Variants in CATSPERE observed in about 807,000 individuals in gnomAD.
CATSPERE encodes cation channel sperm-associated auxiliary subunit epsilon.
Under a neutral mutation model 114.1 loss-of-function variants are expected in CATSPERE, and 93 were observed. The ratio of observed to expected loss-of-function variants is 0.81; its 90% CI spans 0.69 to 0.97. CATSPERE has a LOEUF of 0.97. CATSPERE is among the 50% of genes least tolerant of loss of function. The pLI is 0.00. For missense variants in CATSPERE, 1,058 were observed against 1,131.6 expected (o/e 0.93, Z 0.93); for synonymous variants, 341 against 384.1 (o/e 0.89, Z 1.31).
chr1:244,506,313 G>T (rs1452139883), intron 7 of CATSPERE, among the ~76,000 whole-genome samples: 1 of 152,164 alleles, frequency 6.6e-6, no homozygotes, highest in Non-Finnish European at 1.5e-5. Context: ...CACATGGGTT[G>T]CTTCCACCTT....
Position 244,617,687 on chromosome 1 carries a change from G to A in CATSPERE, c.2648+1G>A. ...TGAAGATCCTGGATCCAAACTATAG[G>A]TGAATATATGTGTTACTGTAATAGT... On this transcript the variant is annotated splice_donor_variant, in intron 20 of 21. Transcript: ENST00000366534. LOFTEE classifies it high-confidence loss of function. The A allele has an allele frequency of 6.6e-7, 1 of 1,526,534 alleles. No homozygotes were observed. The highest frequency in any genetic ancestry group is 8.8e-7 in the Non-Finnish European group (1 of 1,140,580). 94.6% of individuals were successfully genotyped at this position (1,526,534 alleles called of 1,614,324 possible). A position where few individuals can be genotyped will look rare whatever the true frequency, so the allele number is the denominator to read the frequency against.
rs139798302 is a variant in CATSPERE, at chr1:244,573,359, C to T, written c.1950+587C>T. 9.8e-3 allele frequency among the ~76,000 whole-genome samples: 1,487 copies of T among 151,512 alleles called. 29 individuals carry two copies. Among genetic ancestry groups the T allele is most frequent in the African/African-American group, 0.033 (1,361 of 41,254 alleles). On this transcript the variant is annotated intron_variant, in intron 11 of 21. Transcript: ENST00000366534. This position sits in a 1 kb window ranked among gnomAD's most constrained non-coding sequence, Gnocchi z 4.0. ...CCAGGAGGTGGAGGTTGCAGTGAGCCGAGATCACACCACTGCACTCCAGCC... is the reference window on the plus strand; with the variant it reads ...CCAGGAGGTGGAGGTTGCAGTGAGCTGAGATCACACCACTGCACTCCAGCC...
At chr1:244,527,973 A>G (rs1029163686) in intron 8 of CATSPERE, among the ~76,000 whole-genome samples, 13 of 152,032 alleles carry the variant, frequency 8.6e-5, no homozygotes, top group African/African-American at 3.1e-4. Context: ...TTTCTCTTCA[A>G]CTTTTAAGTT....
intron 7 of CATSPERE, among the ~76,000 whole-genome samples, chr1:244,515,726 A>G (rs768480400): frequency 2.0e-5 from 3 of 152,216 alleles, no homozygotes; most frequent in Non-Finnish European, 2.9e-5. Flanking sequence ...CTGCTAAAAA[A>G]TCAGGTAAGA....
chr1:244,490,810 A>T (rs1414323086), intron 6 of CATSPERE, among the ~76,000 whole-genome samples: 1 of 152,082 alleles, frequency 6.6e-6, no homozygotes, highest in African/African-American at 2.4e-5. Flanking sequence ...ATTCTTACTG[A>T]TATTTTTCTT....
intron 14 of CATSPERE, 77 bp downstream of exon 14, chr1:244,588,611 G>A: frequency 9.2e-7 from 1 of 1,082,288 alleles, no homozygotes; most frequent in Non-Finnish European, 1.4e-6. Flanking sequence ...AACTGCTAGT[G>A]ATAATAGCCT....
rs184697158 is a variant in CATSPERE at position 244,608,373 on chromosome 1, C to A, written c.2404-1867C>A. Among the ~76,000 whole-genome samples, 3 of 151,470 alleles carry A rather than the reference C, an allele frequency of 2.0e-5. No individual in the cohort carries two copies. The East Asian group carries it at 5.9e-4, about 30-fold the overall frequency. On this transcript the variant is annotated intron_variant, in intron 18 of 21. Coordinates refer to ENST00000366534, the MANE Select transcript of CATSPERE (RefSeq NM_001130957.2). ...CATAGTGGAACCCCTTCTCCACACA[C>A]AAAAATTTTTCAATTAGCCAGGTGT...
At chr1:244,461,789 T>TA (rs1406542753) in intron 1 of CATSPERE, among the ~76,000 whole-genome samples, 1 of 152,216 alleles carries the variant, frequency 6.6e-6, no homozygotes, top group Non-Finnish European at 1.5e-5. Flanking sequence ...AATGAAATCT[T>TA]ACTTTTTTGT....
chr1:244,573,475 G>T lies in CATSPERE; in HGVS notation c.1950+703G>T, dbSNP rs1027739063. Among the ~76,000 whole-genome samples the T allele has an allele frequency of 6.6e-6, 1 of 151,560 alleles. No individual in the cohort carries two copies. The highest frequency in any genetic ancestry group is 1.5e-5 in the Non-Finnish European group (1 of 67,900). The stretch of plus-strand genomic sequence containing the variant: ...CCAATTCTATCCGTCAATAGTTTGG[G>T]CTGTGAGTAGCCATGCAGTTCTGCT... On this transcript the variant is annotated intron_variant, in intron 11 of 21. Transcript: ENST00000366534. This position sits in a 1 kb window ranked among gnomAD's most constrained non-coding sequence, Gnocchi z 4.0.
chr1:244,461,661 C>T, intron 1 of CATSPERE, 167 bp downstream of exon 1: 1 of 465,136 alleles, frequency 2.1e-6, no homozygotes, highest in East Asian at 3.5e-5. Flanking sequence ...CCACCGCTCC[C>T]ACCCGAGAGT....
intron 11 of CATSPERE, among the ~76,000 whole-genome samples, chr1:244,578,934 TTCAA>T (rs1280583519): frequency 6.6e-6 from 1 of 151,394 alleles, no homozygotes; most frequent in African/African-American, 2.4e-5. Context: ...TTCCCTCTCG[TTCAA>T]CATTTTCTTG....
At chr1:244,513,399 C>T (rs1676076509) in intron 7 of CATSPERE, among the ~76,000 whole-genome samples, 1 of 152,090 alleles carries the variant, frequency 6.6e-6, no homozygotes, top group Non-Finnish European at 1.5e-5. Flanking sequence ...CCAGTGGTGT[C>T]AGGCAGGGCA....
At chr1:244,599,513 C>G (rs1201749951) in intron 17 of CATSPERE, among the ~76,000 whole-genome samples, 1 of 152,212 alleles carries the variant, frequency 6.6e-6, no homozygotes, top group Non-Finnish European at 1.5e-5. Context: ...AAGTCATCAC[C>G]ACTGACCCGG....
intron 8 of CATSPERE, among the ~76,000 whole-genome samples, chr1:244,521,778 A>G (rs1309741336): frequency 2.0e-5 from 3 of 152,242 alleles, no homozygotes; most frequent in African/African-American, 7.2e-5. Context: ...AATTCAGCTC[A>G]TTGATGAATA....
chr1:244,543,079 G>A (rs1359674845), intron 8 of CATSPERE, among the ~76,000 whole-genome samples: 1 of 152,070 alleles, frequency 6.6e-6, no homozygotes. Flanking sequence ...ACTCAAAATA[G>A]AATTACCAGC....
At chr1:244,499,441 G>T (rs770436532) in intron 7 of CATSPERE, among the ~76,000 whole-genome samples, 1 of 151,888 alleles carries the variant, frequency 6.6e-6, no homozygotes, top group African/African-American at 2.4e-5. Flanking sequence ...CCATCATCTA[G>T]GTTTTCAGCC....
chr1:244,527,885 G>A (rs895272026), intron 8 of CATSPERE, among the ~76,000 whole-genome samples: 1 of 152,174 alleles, frequency 6.6e-6, no homozygotes, highest in Non-Finnish European at 1.5e-5. Flanking sequence ...CAAGTGGGAT[G>A]TGTCACCATG....
At chr1:244,510,062 CTATT>C in intron 7 of CATSPERE, among the ~76,000 whole-genome samples, 1 of 152,028 alleles carries the variant, frequency 6.6e-6, no homozygotes, top group East Asian at 1.9e-4. Context: ...GTTTTAGTCT[CTATT>C]TCATTTAGTT....
intron 6 of CATSPERE, among the ~76,000 whole-genome samples, chr1:244,494,910 A>G (rs889197690): frequency 6.6e-6 from 1 of 152,224 alleles, no homozygotes; most frequent in African/African-American, 2.4e-5. Context: ...TTTTGAGGCT[A>G]CAACTATAAC....
Sources: gnomAD v4.1 joint callset for allele counts (sites outside exome capture counted in the v4.1 genomes callset) on GRCh38, gnomAD v4.1.1 for gene constraint, Gnocchi (gnomAD v3.1) non-coding constraint, MANE v1.5 for transcripts, NCBI Gene and HGNC (gene_info 2026-07-23, HGNC 2026-07-21) for gene names.